The following NTRK3 variants were observed in gnomAD, a reference collection of about 807,000 sequenced individuals.
NTRK3 encodes NT-3 growth factor receptor.
In NTRK3, 24 loss-of-function variants were observed where a neutral mutation model predicts 91.7. That is an observed-to-expected ratio of 0.26 (90% CI 0.19 to 0.37). The LOEUF is 0.37. NTRK3 is among the 10% of genes least tolerant of loss of function. The pLI is 1.00. For synonymous variants in NTRK3, 483 were observed against 404.0 expected (o/e 1.20, Z -2.34); for missense variants, 880 against 1,068.9 (o/e 0.82, Z 2.46).
At chr15:87,938,687 A>T (rs944442320) in intron 15 of NTRK3, among the ~76,000 whole-genome samples, 1 of 152,138 alleles carries the variant, frequency 6.6e-6, no homozygotes, top group Non-Finnish European at 1.5e-5. Context: ...AAAGTGCAAA[A>T]ATGTTCAGTT....
rs148503799 is a variant in NTRK3, at chr15:88,193,968, C to T, written c.249-9669G>A. Among the ~76,000 whole-genome samples the T allele has an allele frequency of 4.7e-3, 714 of 152,240 alleles. 6 individuals carry two copies. Among genetic ancestry groups the T allele is most frequent in the African/African-American group, 0.016 (651 of 41,550 alleles). On this transcript the variant is annotated intron_variant, in intron 3 of 18. Transcript: ENST00000394480. ...CCTCGCCTCCCTTTGATTCTCCATC[C>T]TAGTTTGTCTTCGATCCTACTACTC...
In NTRK3 at chr15:88,229,543, T is replaced by C. The variant is rs77125461; in HGVS notation, c.248+26363A>G. On this transcript the variant is annotated intron_variant, in intron 3 of 18. Transcript: ENST00000394480. ...CACTCCCATCCAAAAGAAGATACCC[T>C]GGTCTGCAACTAACACAGTCTGTCA... is the stretch of plus-strand genomic sequence containing the variant. 9.5e-3 allele frequency among the ~76,000 whole-genome samples: 1,445 copies of C among 152,276 alleles called. 12 individuals carry two copies. The highest frequency in any genetic ancestry group is 0.022 in the South Asian group (106 of 4,820).
chr15:88,073,172 G>C (rs979489147), intron 13 of NTRK3, among the ~76,000 whole-genome samples: 9 of 152,214 alleles, frequency 5.9e-5, no homozygotes, highest in Non-Finnish European at 1.2e-4. Context: ...CTGGGATCTT[G>C]TTAAAAATGC....
intron 17 of NTRK3, among the ~76,000 whole-genome samples, chr15:87,910,908 T>C (rs1431487622): frequency 6.6e-6 from 1 of 152,132 alleles, no homozygotes; most frequent in Admixed American, 6.5e-5. Context: ...TCGTGAGAGA[T>C]AATTAGTGAC....
At chr15:88,021,155 G>A (rs2077561557) in intron 14 of NTRK3, among the ~76,000 whole-genome samples, 1 of 152,240 alleles carries the variant, frequency 6.6e-6, no homozygotes, top group Admixed American at 6.5e-5. Flanking sequence ...CCATTTAAGT[G>A]GAGGGCACTT....
intron 14 of NTRK3, among the ~76,000 whole-genome samples, chr15:87,949,557 T>A (rs1005782679): frequency 2.6e-5 from 4 of 151,946 alleles, no homozygotes; most frequent in Non-Finnish European, 5.9e-5. Flanking sequence ...TGGGGCAATT[T>A]CCAGTTCACA....
chr15:87,949,493 C>A (rs901630020), intron 14 of NTRK3, among the ~76,000 whole-genome samples: 2 of 151,842 alleles, frequency 1.3e-5, no homozygotes, highest in Non-Finnish European at 2.9e-5. Flanking sequence ...AATAAGACAC[C>A]CTGCTGTTTC....
chr15:88,021,145 C>T (rs188319317), intron 14 of NTRK3, among the ~76,000 whole-genome samples: 1 of 152,342 alleles, frequency 6.6e-6, no homozygotes, highest in Non-Finnish European at 1.5e-5. Flanking sequence ...ATCCCCTGAT[C>T]CATTTAAGTG....
At chr15:88,145,799 C>T (rs1385960469) in intron 6 of NTRK3, among the ~76,000 whole-genome samples, 1 of 152,124 alleles carries the variant, frequency 6.6e-6, no homozygotes, top group African/African-American at 2.4e-5. Context: ...AAAGAGATCC[C>T]CCAAGGCCCT....
chr15:88,073,747 G>GC (rs1468206857), intron 13 of NTRK3, among the ~76,000 whole-genome samples: 1 of 152,100 alleles, frequency 6.6e-6, no homozygotes, highest in African/African-American at 2.4e-5. Context: ...AAGGATGCAA[G>GC]CCCTGGGGGA....
chr15:88,086,211 C>T lies in NTRK3; in HGVS notation c.1396+40060G>A, dbSNP rs1358391116. On this transcript the variant is annotated intron_variant, in intron 13 of 18. Coordinates refer to ENST00000394480, the Ensembl canonical transcript of NTRK3. ...TCACGACTGCAGATATTGCACATGACGCCTCCATTATTTGTTCAAGTGTTC... is the reference window on the plus strand; with the variant it reads ...TCACGACTGCAGATATTGCACATGATGCCTCCATTATTTGTTCAAGTGTTC... Among the ~76,000 whole-genome samples, 5 of 152,310 alleles carry T rather than the reference C, an allele frequency of 3.3e-5. No individual in the cohort carries two copies. The South Asian group carries it at 6.2e-4, about 19-fold the overall frequency.
chr15:87,948,200 C>G (rs1413539804), intron 14 of NTRK3, among the ~76,000 whole-genome samples: 2 of 152,196 alleles, frequency 1.3e-5, no homozygotes, highest in African/African-American at 4.8e-5. Context: ...TCCACCTGGA[C>G]AGAAGAGTAG....
intron 13 of NTRK3, among the ~76,000 whole-genome samples, chr15:88,050,094 A>AT (rs891041431): frequency 4.7e-4 from 72 of 152,224 alleles, no homozygotes; most frequent in African/African-American, 1.7e-3. Flanking sequence ...TTGCCCCTGA[A>AT]TTTTTTTTAA....
chr15:87,999,763 T>C (rs914407606), intron 14 of NTRK3, among the ~76,000 whole-genome samples: 1 of 152,188 alleles, frequency 6.6e-6, no homozygotes, highest in African/African-American at 2.4e-5. Context: ...AAGATGGCAC[T>C]GGGACAGACA....
At chr15:88,135,431 A>T in intron 9 of NTRK3, 34 bp from the exon 10 acceptor site, 2 of 1,606,994 alleles carry the variant, frequency 1.2e-6, no homozygotes, top group Non-Finnish European at 1.7e-6. Flanking sequence ...AATCCAGGAC[A>T]CAGAGTCTAC....
intron 13 of NTRK3, among the ~76,000 whole-genome samples, chr15:88,116,114 T>C (rs1358495029): frequency 1.3e-5 from 2 of 152,158 alleles, no homozygotes; most frequent in African/African-American, 4.8e-5. Context: ...GGGGCAACAG[T>C]GTTGATTGAC....
At chr15:88,125,422 C>T (rs192093857) in intron 13 of NTRK3, among the ~76,000 whole-genome samples, 1 of 152,336 alleles carries the variant, frequency 6.6e-6, no homozygotes, top group African/African-American at 2.4e-5. Flanking sequence ...TAACACCAAC[C>T]TGAGTCCTGG....
intron 13 of NTRK3, among the ~76,000 whole-genome samples, chr15:88,118,072 C>T (rs1159068873): frequency 1.3e-5 from 2 of 152,214 alleles, no homozygotes; most frequent in Non-Finnish European, 2.9e-5. Flanking sequence ...CAGCCGTTGG[C>T]TTGGTGGCTG....
chr15:88,214,220 G>T (rs2049523530), intron 3 of NTRK3, among the ~76,000 whole-genome samples: 1 of 152,188 alleles, frequency 6.6e-6, no homozygotes. Flanking sequence ...CACAGTCCTG[G>T]AGGCTGGAAG....
Sources: allele counts gnomAD v4.1 joint callset (sites outside exome capture counted in the v4.1 genomes callset), GRCh38; gene constraint gnomAD v4.1.1; transcripts MANE v1.5; gene names NCBI Gene and HGNC (gene_info 2026-07-23, HGNC 2026-07-21).